The following MYO16 variants were observed in gnomAD, a reference collection of about 807,000 sequenced individuals.
MYO16 encodes the protein unconventional myosin-XVI.
MYO16 carries 94 observed loss-of-function variants against 205.3 expected under a neutral mutation model. That is an observed-to-expected ratio of 0.46 (90% confidence interval 0.39 to 0.54). MYO16 has a LOEUF of 0.54. MYO16 is among the 20% of genes least tolerant of loss of function. MYO16 has a pLI of 0.00. For synonymous variants in MYO16, 988 were observed against 954.0 expected, an observed-to-expected ratio of 1.04 and a Z score of -0.66; for missense variants, 2,315 against 2,387.5, an observed-to-expected ratio of 0.97 and a Z score of 0.63.
intron 33 of MYO16, among the ~76,000 whole-genome samples, chr13:109,175,592 C>T (rs1433106485): frequency 6.6e-6 from 1 of 152,074 alleles, no homozygotes; most frequent in Admixed American, 6.5e-5. Flanking sequence ...ACCAAAAGCT[C>T]AACTTTTTGA....
At chr13:109,028,345 TA>T in intron 23 of MYO16, 1 of 269,982 alleles carries the variant, frequency 3.7e-6, no homozygotes. Flanking sequence ...ACTACAATAT[TA>T]AAAGAGAAAA....
At chr13:108,852,706 TG>T (rs1218705356) in intron 10 of MYO16, among the ~76,000 whole-genome samples, 2 of 152,114 alleles carry the variant, frequency 1.3e-5, no homozygotes, top group African/African-American at 2.4e-5. Flanking sequence ...GGAAGTTACA[TG>T]GTCTCCGTGG....
At chr13:108,852,188 G>A (rs1462138010) in intron 10 of MYO16, among the ~76,000 whole-genome samples, 1 of 152,092 alleles carries the variant, frequency 6.6e-6, no homozygotes, top group Non-Finnish European at 1.5e-5. Context: ...CGTACATTTT[G>A]TACTTGTCAT....
chr13:108,996,816 A>AT (rs1885016236), intron 21 of MYO16, among the ~76,000 whole-genome samples: 1 of 152,200 alleles, frequency 6.6e-6, no homozygotes, highest in Non-Finnish European at 1.5e-5. Context: ...AAATGATAGA[A>AT]TTTTTTCTCT....
intron 3 of MYO16, among the ~76,000 whole-genome samples, chr13:108,714,170 C>T (rs957372114): frequency 6.6e-6 from 1 of 152,170 alleles, no homozygotes; most frequent in African/African-American, 2.4e-5. Context: ...ATTCTCCTGC[C>T]TCAGCCGCCT....
At chr13:108,954,677 G>A (rs948472629) in intron 16 of MYO16, among the ~76,000 whole-genome samples, 1 of 152,292 alleles carries the variant, frequency 6.6e-6, no homozygotes, top group Admixed American at 6.5e-5. Flanking sequence ...GGGAGGCAGA[G>A]CTGCACTGAG....
At chr13:109,116,961 A>G (rs375307463) in intron 28 of MYO16, among the ~76,000 whole-genome samples, 2 of 152,320 alleles carry the variant, frequency 1.3e-5, no homozygotes, top group Non-Finnish European at 2.9e-5. Context: ...CTGAGGTACA[A>G]CCAAGGGCTT....
intron 3 of MYO16, among the ~76,000 whole-genome samples, chr13:108,719,080 T>C (rs1413734989): frequency 6.6e-6 from 1 of 152,110 alleles, no homozygotes; most frequent in African/African-American, 2.4e-5. Flanking sequence ...AACTAGATTT[T>C]GTGTTTCGTT....
Position 109,141,237 on chromosome 13 carries a change from T to G in MYO16, c.5025T>G (p.Ser1675Arg). Residue 1675 changes from serine to arginine, a missense_variant, in exon 32 of 35, where the codon AGT (serine) becomes AGG (arginine). Transcript: ENST00000457511. The surrounding 1 kb of genome is among the most constrained non-coding windows in gnomAD (Gnocchi z 4.1). ...CGGACGCCAGGAAGGCCGGCTCCAGTGCCTCGCCCCCCGCGCCCTACAGCC... is the reference window on the plus strand; with the variant it reads ...CGGACGCCAGGAAGGCCGGCTCCAGGGCCTCGCCCCCCGCGCCCTACAGCC... ...TRADARKAGS[S>R]ASPPAPYSPP... 6.2e-7 allele frequency: 1 copy of G among 1,605,374 alleles called. No individual in the cohort carries two copies. The highest frequency in any genetic ancestry group is 1.4e-5 in the African/African-American group (1 of 74,066).
chr13:109,105,632 T>C (rs567187369), intron 28 of MYO16, among the ~76,000 whole-genome samples: 1 of 152,352 alleles, frequency 6.6e-6, no homozygotes, highest in East Asian at 1.9e-4. Context: ...ACTACATAAA[T>C]GTAATTTTAG....
chr13:108,530,713 G>A, the MYO16 span, among the ~76,000 whole-genome samples: 55 of 152,176 alleles, frequency 3.6e-4, no homozygotes, highest in Admixed American at 9.8e-4. Flanking sequence ...ATAACAAAAT[G>A]TATCATATAT....
chr13:108,886,837 G>A (rs184213061), intron 13 of MYO16, among the ~76,000 whole-genome samples: 2 of 152,088 alleles, frequency 1.3e-5, no homozygotes, highest in Non-Finnish European at 2.9e-5. Flanking sequence ...TTTCGGTATC[G>A]CTAGTCCTGA....
intron 21 of MYO16, among the ~76,000 whole-genome samples, chr13:109,007,948 T>G (rs972653391): frequency 1.3e-5 from 2 of 152,230 alleles, no homozygotes; most frequent in African/African-American, 4.8e-5. Context: ...GATCTCATGG[T>G]AAACCCAGCT....
intron 1 of MYO16, among the ~76,000 whole-genome samples, chr13:108,638,458 A>C (rs1245949733): frequency 3.3e-5 from 5 of 152,122 alleles, no homozygotes; most frequent in Admixed American, 1.3e-4. Flanking sequence ...CAAATATAGC[A>C]TTTCATCTCC....
At chr13:109,154,046 G>A (rs1877846312) in intron 32 of MYO16, among the ~76,000 whole-genome samples, 1 of 152,250 alleles carries the variant, frequency 6.6e-6, no homozygotes, top group Non-Finnish European at 1.5e-5. Flanking sequence ...ACCAGAAAGA[G>A]ATGCAACCGC....
chr13:108,633,931 G>A (rs764050215), intron 1 of MYO16, among the ~76,000 whole-genome samples: 13 of 152,118 alleles, frequency 8.5e-5, no homozygotes, highest in Non-Finnish European at 1.2e-4. Context: ...CTGGTCCAGC[G>A]CCCATAGTCC....
intron 1 of MYO16, among the ~76,000 whole-genome samples, chr13:108,647,394 C>A (rs1255731437): frequency 2.0e-5 from 3 of 152,118 alleles, no homozygotes; most frequent in Admixed American, 1.3e-4. Context: ...ATGCTGTTTG[C>A]AAATCTTTAA....
chr13:108,821,148 C>G (rs1321822766), intron 8 of MYO16, among the ~76,000 whole-genome samples: 1 of 151,992 alleles, frequency 6.6e-6, no homozygotes, highest in African/African-American at 2.4e-5. Context: ...ATCTGAATAA[C>G]TTTATAAATA....
At chr13:108,503,247 G>T in the MYO16 span, among the ~76,000 whole-genome samples, 1 of 152,096 alleles carries the variant, frequency 6.6e-6, no homozygotes, top group African/African-American at 2.4e-5. Flanking sequence ...TCTCTGAGAT[G>T]GTGAATATGT....
Sources: gnomAD v4.1 joint callset for allele counts (sites outside exome capture counted in the v4.1 genomes callset) on GRCh38, gnomAD v4.1.1 for gene constraint, Gnocchi (gnomAD v3.1) non-coding constraint, MANE v1.5 for transcripts, NCBI Gene and HGNC (gene_info 2026-07-23, HGNC 2026-07-21) for gene names.